Variants in TIAM1 observed in about 807,000 individuals in gnomAD.
The protein encoded by TIAM1 is rho guanine nucleotide exchange factor TIAM1.
TIAM1 carries 65 observed loss-of-function variants against 163.5 expected under a neutral mutation model. The ratio of observed to expected loss-of-function variants is 0.40; its 90% CI spans 0.33 to 0.49. The LOEUF is 0.49. Among genes scored for constraint, TIAM1 ranks in the 20% least tolerant of loss-of-function variants. The pLI is 0.77. For missense variants in TIAM1, 1,789 were observed against 2,044.7 expected (o/e 0.87, Z 2.41); for synonymous variants, 833 against 810.1 (o/e 1.03, Z -0.48).
chr21:31,169,356 A>G (rs1165482051), intron 15 of TIAM1, among the ~76,000 whole-genome samples: 1 of 152,122 alleles, frequency 6.6e-6, no homozygotes, highest in Non-Finnish European at 1.5e-5. Flanking sequence ...AAAAAACACC[A>G]GGTAAATTAA....
chr21:31,147,412 A>G (rs908622271), intron 19 of TIAM1, among the ~76,000 whole-genome samples: 3 of 151,974 alleles, frequency 2.0e-5, no homozygotes, highest in Non-Finnish European at 4.4e-5. Flanking sequence ...CCGAAGCAGA[A>G]AACATGTTCC....
intron 2 of TIAM1, among the ~76,000 whole-genome samples, chr21:31,295,469 CA>C (rs1215751004): frequency 0.057 from 3,758 of 65,884 alleles, 79 homozygotes; most frequent in African/African-American, 0.17. Flanking sequence ...GACTCCATCA[CA>C]AAAAAAAAAA....
At chr21:31,214,469 A>AT (rs1383306169) in intron 9 of TIAM1, among the ~76,000 whole-genome samples, 6 of 152,212 alleles carry the variant, frequency 3.9e-5, no homozygotes, top group African/African-American at 1.2e-4. Flanking sequence ...CCAGATACTT[A>AT]TAAGTAAAAA....
intron 2 of TIAM1, among the ~76,000 whole-genome samples, chr21:31,277,267 C>T (rs1272536366): frequency 2.0e-5 from 3 of 152,212 alleles, no homozygotes; most frequent in Admixed American, 2.0e-4. Flanking sequence ...GACCTCTGGT[C>T]ATCCTCACTG....
chr21:31,334,944 C>T (rs2075792281), intron 2 of TIAM1, among the ~76,000 whole-genome samples: 1 of 152,104 alleles, frequency 6.6e-6, no homozygotes. Context: ...ACCCGACCCC[C>T]AACCCAGGCA....
chr21:31,499,594 G>A (rs923626233), intron 1 of TIAM1, among the ~76,000 whole-genome samples: 9 of 152,012 alleles, frequency 5.9e-5, no homozygotes, highest in African/African-American at 2.2e-4. Context: ...GCTCACGCCT[G>A]TAATCTCAGC....
chr21:31,213,672 C>T lies in TIAM1; in HGVS notation c.2143-200G>A, dbSNP rs892773108. Among the ~76,000 whole-genome samples the T allele has an allele frequency of 4.0e-5, 6 of 150,762 alleles. No homozygotes were observed. In the South Asian group the frequency reaches 6.2e-4, roughly 16 times the overall value. On this transcript the variant is annotated intron_variant, in intron 9 of 27. Transcript: ENST00000541036. ...CACATCCCTCTATCTAGATCACTTCCCTACGTGTTTGACAGTTGGAAAAAA... is the reference window on the plus strand; with the variant it reads ...CACATCCCTCTATCTAGATCACTTCTCTACGTGTTTGACAGTTGGAAAAAA...
At chr21:31,206,907 CAT>C (rs1474145014) in intron 11 of TIAM1, among the ~76,000 whole-genome samples, 1 of 151,470 alleles carries the variant, frequency 6.6e-6, no homozygotes, top group East Asian at 1.9e-4. Flanking sequence ...CAAATGCAAA[CAT>C]GTAGTCACTG....
intron 2 of TIAM1, among the ~76,000 whole-genome samples, chr21:31,416,487 CCT>C (rs369064524): frequency 1.4e-3 from 215 of 152,246 alleles, no homozygotes; most frequent in African/African-American, 4.9e-3. Flanking sequence ...AACCTTTCCC[CCT>C]GAGTCCCCAG....
chr21:31,123,663 AG>A (rs940085598), intron 27 of TIAM1, among the ~76,000 whole-genome samples: 2 of 152,228 alleles, frequency 1.3e-5, no homozygotes, highest in Non-Finnish European at 2.9e-5. Flanking sequence ...TACAAAGGCC[AG>A]AAACTTTTCT....
intron 6 of TIAM1, among the ~76,000 whole-genome samples, chr21:31,240,658 A>C (rs2071118900): frequency 6.6e-6 from 1 of 152,214 alleles, no homozygotes; most frequent in African/African-American, 2.4e-5. Context: ...CTCAGACCTC[A>C]TTCATGCAAA....
At chr21:31,158,944 C>A (rs186576511) in intron 16 of TIAM1, among the ~76,000 whole-genome samples, 2 of 152,110 alleles carry the variant, frequency 1.3e-5, no homozygotes, top group Non-Finnish European at 2.9e-5. Flanking sequence ...CCACACCAAG[C>A]GCTGTAGCCA....
chr21:31,220,496 A>G (rs1193276898), intron 8 of TIAM1, among the ~76,000 whole-genome samples: 3 of 152,218 alleles, frequency 2.0e-5, no homozygotes, highest in Non-Finnish European at 2.9e-5. Flanking sequence ...CTTAAAGTAT[A>G]ATGTAAAAAA....
chr21:31,180,381 C>T (rs1282079964), intron 15 of TIAM1, among the ~76,000 whole-genome samples: 5 of 152,168 alleles, frequency 3.3e-5, no homozygotes, highest in African/African-American at 9.7e-5. Context: ...CTTGTCACAA[C>T]GACTCAACTC....
intron 4 of TIAM1, among the ~76,000 whole-genome samples, chr21:31,255,027 AGACCT>A (rs1194979338): frequency 5.3e-5 from 8 of 152,216 alleles, no homozygotes; most frequent in African/African-American, 1.9e-4. Flanking sequence ...CCTCTGTATA[AGACCT>A]GAACATCTGC....
intron 11 of TIAM1, among the ~76,000 whole-genome samples, chr21:31,209,711 G>A (rs2086629994): frequency 6.6e-6 from 1 of 152,278 alleles, no homozygotes; most frequent in South Asian, 2.1e-4. Flanking sequence ...TCTGGATTTC[G>A]TGAATAAGAG....
intron 8 of TIAM1, 146 bp from the exon 9 acceptor site, chr21:31,217,845 C>A: frequency 1.1e-6 from 1 of 901,380 alleles, no homozygotes; most frequent in South Asian, 2.3e-5. Context: ...AGTATTCAAT[C>A]CATGACCCAG....
intron 1 of TIAM1, among the ~76,000 whole-genome samples, chr21:31,502,784 T>G (rs1205167833): frequency 6.6e-6 from 1 of 152,242 alleles, no homozygotes; most frequent in Non-Finnish European, 1.5e-5. Flanking sequence ...CTAATCCAGG[T>G]GGCTGTACTC....
chr21:31,151,971 G>C (rs1308849997), intron 19 of TIAM1, among the ~76,000 whole-genome samples: 1 of 148,912 alleles, frequency 6.7e-6, no homozygotes, highest in Admixed American at 6.7e-5. Flanking sequence ...ATTAAGCAAA[G>C]TTTCCCAGAA....
Sources: allele counts gnomAD v4.1 joint callset (sites outside exome capture counted in the v4.1 genomes callset), GRCh38; gene constraint gnomAD v4.1.1; transcripts MANE v1.5; gene names NCBI Gene and HGNC (gene_info 2026-07-23, HGNC 2026-07-21).